The following TTLL7 variants were observed in gnomAD, a reference collection of about 807,000 sequenced individuals.
TTLL7 encodes tubulin polyglutamylase TTLL7.
TTLL7 carries 53 observed loss-of-function variants against 120.2 expected under a neutral mutation model. That is an observed-to-expected ratio of 0.44 (90% CI 0.35 to 0.55). TTLL7 has a LOEUF of 0.55. Among genes scored for constraint, TTLL7 ranks in the 20% least tolerant of loss-of-function variants. The pLI, the probability that TTLL7 is intolerant of heterozygous loss-of-function variation, is 0.00. For synonymous variants in TTLL7, 353 were observed against 351.7 expected, an observed-to-expected ratio of 1.00 and a Z score of -0.04; for missense variants, 803 against 1,054.7, an observed-to-expected ratio of 0.76 and a Z score of 3.31.
intron 1 of TTLL7, among the ~76,000 whole-genome samples, chr1:83,961,325 C>T (rs1271535355): frequency 1.3e-5 from 2 of 151,936 alleles, no homozygotes; most frequent in African/African-American, 4.8e-5. Context: ...AATTTAATCC[C>T]ATAAAAATTA....
At chr1:83,983,282 G>A (rs1388003001) in intron 1 of TTLL7, among the ~76,000 whole-genome samples, 2 of 152,098 alleles carry the variant, frequency 1.3e-5, no homozygotes, top group East Asian at 3.9e-4. Flanking sequence ...AGTGAGCCGA[G>A]ATCACGCCAC....
intron 18 of TTLL7, among the ~76,000 whole-genome samples, chr1:83,894,322 G>A (rs1252732814): frequency 1.3e-5 from 2 of 151,946 alleles, no homozygotes; most frequent in Non-Finnish European, 2.9e-5. Context: ...TATTGATACT[G>A]GCAATTTTAA....
intron 1 of TTLL7, chr1:83,980,605 G>C (rs1012160594): frequency 6.6e-6 from 1 of 152,122 alleles, no homozygotes; most frequent in Non-Finnish European, 1.5e-5. Context: ...AAGAAAATTT[G>C]ATACTACCAG....
chr1:83,990,045 T>C (rs1652835859), intron 1 of TTLL7, among the ~76,000 whole-genome samples: 1 of 152,208 alleles, frequency 6.6e-6, no homozygotes, highest in African/African-American at 2.4e-5. Flanking sequence ...ATTGGTCTTT[T>C]ATCCTGAAAC....
At chr1:83,986,672 C>G (rs1652479493) in intron 1 of TTLL7, among the ~76,000 whole-genome samples, 1 of 152,094 alleles carries the variant, frequency 6.6e-6, no homozygotes, top group Non-Finnish European at 1.5e-5. Flanking sequence ...ATTGTGAAAT[C>G]CCCTACTAAA....
At chr1:83,955,694 C>T (rs544373854) in intron 1 of TTLL7, among the ~76,000 whole-genome samples, 18 of 152,300 alleles carry the variant, frequency 1.2e-4, no homozygotes, top group African/African-American at 3.6e-4. Flanking sequence ...GCAGCACACA[C>T]GGGCTAAGAC....
chr1:83,875,681 T>C (rs955111404), intron 20 of TTLL7, among the ~76,000 whole-genome samples: 1 of 151,918 alleles, frequency 6.6e-6, no homozygotes, highest in African/African-American at 2.4e-5. Context: ...GGATATGCAG[T>C]GATTCTGACA....
chr1:83,997,149 G>A (rs1017275007), intron 1 of TTLL7, among the ~76,000 whole-genome samples: 5 of 151,982 alleles, frequency 3.3e-5, no homozygotes, highest in Non-Finnish European at 5.9e-5. Flanking sequence ...CAATACCCCC[G>A]TTAACTTGAA....
intron 20 of TTLL7, among the ~76,000 whole-genome samples, chr1:83,876,924 C>T (rs947441382): frequency 2.6e-5 from 4 of 151,822 alleles, no homozygotes; most frequent in South Asian, 4.1e-4. Context: ...TAGCTAAGAC[C>T]GCTAATACAA....
At chr1:83,899,832 A>C (rs1466353173) in intron 18 of TTLL7, among the ~76,000 whole-genome samples, 2 of 152,100 alleles carry the variant, frequency 1.3e-5, no homozygotes, top group East Asian at 3.9e-4. Flanking sequence ...CTCCCTCCAC[A>C]TAACGGTGTA....
rs1271797486 is a variant in TTLL7 at position 83,868,688 on chromosome 1, C to T, written c.*1274G>A. The T allele has an allele frequency of 6.6e-6, 1 of 152,108 alleles. No individual in the cohort carries two copies. Among genetic ancestry groups the T allele is most frequent in the African/African-American group, 2.4e-5 (1 of 41,434 alleles). 9.4% of individuals were successfully genotyped at this position (152,108 alleles called of 1,614,324 possible). ...AAGTTTGTCTCATTATCCTGTAACA[C>T]TAAAATGAGTGAAATGTGTCAACTC... On this transcript the variant is annotated 3_prime_UTR_variant, in exon 21 of 21. Coordinates refer to ENST00000260505, the MANE Select transcript of TTLL7 (RefSeq NM_024686.6).
chr1:83,905,310 T>G lies in TTLL7; in HGVS notation c.2127+1019A>C, dbSNP rs1362133323. 1.9e-4 allele frequency among the ~76,000 whole-genome samples: 29 copies of G among 151,790 alleles called. 1 individual carries two copies. ...ACAAAATATATAATAATTGGGGGCT[T>G]TGCTTATGACTGTGTCATCAGTACA... On this transcript the variant is annotated intron_variant, in intron 17 of 20. Coordinates refer to ENST00000260505, the MANE Select transcript of TTLL7 (RefSeq NM_024686.6).
chr1:83,899,679 C>T (rs940061924), intron 18 of TTLL7, among the ~76,000 whole-genome samples: 1 of 151,860 alleles, frequency 6.6e-6, no homozygotes, highest in Admixed American at 6.6e-5. Flanking sequence ...TACACAAATA[C>T]ATCGCAAGCA....
intron 10 of TTLL7, 115 bp from the exon 11 acceptor site, chr1:83,921,509 A>G (rs542867285): frequency 3.7e-6 from 4 of 1,085,380 alleles, no homozygotes; most frequent in South Asian, 3.4e-5. Context: ...AATGTTTATT[A>G]AACTTATATA....
chr1:83,924,152 C>A (rs1190569770), intron 10 of TTLL7, among the ~76,000 whole-genome samples: 6 of 152,072 alleles, frequency 3.9e-5, no homozygotes, highest in Non-Finnish European at 7.4e-5. Context: ...CCATTACCCT[C>A]GAGGAGCTGA....
chr1:83,879,695 G>T (rs192336812), intron 20 of TTLL7, among the ~76,000 whole-genome samples: 2 of 152,062 alleles, frequency 1.3e-5, no homozygotes, highest in African/African-American at 4.8e-5. Context: ...TCTGACTCTA[G>T]TATTTCTCTA....
At chr1:83,880,019 GA>G (rs1295934575) in intron 20 of TTLL7, 1 of 151,952 alleles carries the variant, frequency 6.6e-6, no homozygotes, top group East Asian at 1.9e-4. Flanking sequence ...GAGTCTCAGT[GA>G]ATTACTTCTT....
In TTLL7 at chr1:83,866,757, T is replaced by C. The variant is rs529809088; in HGVS notation, c.*3205A>G. ...GCAATGCTACTAAAATAAAAATTTGTTGCTAGTAAAATTAATCAAAATATG... is the reference window on the plus strand; with the variant it reads ...GCAATGCTACTAAAATAAAAATTTGCTGCTAGTAAAATTAATCAAAATATG... On this transcript the variant is annotated 3_prime_UTR_variant, in exon 21 of 21. Coordinates refer to ENST00000260505, the MANE Select transcript of TTLL7 (RefSeq NM_024686.6). 6.6e-6 allele frequency: 1 copy of C among 152,080 alleles called. No individual in the cohort carries two copies. The highest frequency in any genetic ancestry group is 2.1e-4 in the South Asian group (1 of 4,830). The allele number at this position is 152,080 out of a possible 1,614,324, so 9.4% of individuals were successfully genotyped here. A position where few individuals can be genotyped will look rare whatever the true frequency, so the allele number is the denominator to read the frequency against.
intron 20 of TTLL7, among the ~76,000 whole-genome samples, chr1:83,878,549 C>G (rs1365627982): frequency 6.6e-6 from 1 of 151,930 alleles, no homozygotes; most frequent in Non-Finnish European, 1.5e-5. Flanking sequence ...AAAAGCACTG[C>G]TCAGCACTAA....
Sources: allele counts gnomAD v4.1 joint callset (sites outside exome capture counted in the v4.1 genomes callset), GRCh38; gene constraint gnomAD v4.1.1; transcripts MANE v1.5; gene names NCBI Gene and HGNC (gene_info 2026-07-23, HGNC 2026-07-21).